ABCA12: variants seen among roughly 807,000 people sequenced by gnomAD.
The protein encoded by ABCA12 is ATP binding cassette subfamily A member 12.
In ABCA12, 156 loss-of-function variants were observed where a neutral mutation model predicts 293.5. That is an observed-to-expected ratio of 0.53 (90% CI 0.47 to 0.61). The LOEUF (loss-of-function observed/expected upper bound fraction) is 0.61, where lower values mean the gene tolerates loss of function less well. ABCA12 is among the 20% of genes least tolerant of loss of function. The pLI, the probability that ABCA12 is intolerant of heterozygous loss-of-function variation, is 0.00. For synonymous variants in ABCA12, 1,063 were observed against 1,108.0 expected (o/e 0.96, Z 0.81); for missense variants, 2,797 against 3,090.2 (o/e 0.91, Z 2.25).
rs548713632 is a variant in ABCA12, at chr2:215,039,582, C to T, written c.873-2517G>A. 2.7e-4 allele frequency among the ~76,000 whole-genome samples: 41 copies of T among 151,972 alleles called. No homozygotes were observed. The South Asian group carries it at 7.9e-3, about 29-fold the overall frequency. ...CATCCTGGCTAACACAGTGAGACAC[C>T]GTCTCTACTAAAAATACAAAAAATT... On this transcript the variant is annotated intron_variant, in intron 7 of 52. Transcript: ENST00000272895.
At chr2:215,076,748 G>T (rs1461331017) in intron 2 of ABCA12, among the ~76,000 whole-genome samples, 1 of 152,180 alleles carries the variant, frequency 6.6e-6, no homozygotes, top group Non-Finnish European at 1.5e-5. Context: ...CAAATAGATT[G>T]TGATATATTT....
intron 43 of ABCA12, 139 bp downstream of exon 43, chr2:214,955,063 T>C (rs1053375697): frequency 8.9e-7 from 1 of 1,123,758 alleles, no homozygotes; most frequent in South Asian, 1.5e-5. Flanking sequence ...CCAAAAAGAA[T>C]TTTAAAAGCT....
intron 30 of ABCA12, among the ~76,000 whole-genome samples, chr2:214,981,115 A>G (rs921393098): frequency 5.9e-5 from 9 of 152,038 alleles, no homozygotes; most frequent in Non-Finnish European, 1.3e-4. Flanking sequence ...GAAAGGAAAA[A>G]AAGAAGAAAA....
At chr2:214,999,838 A>G in intron 22 of ABCA12, 1 of 984,626 alleles carries the variant, frequency 1.0e-6, no homozygotes, top group Non-Finnish European at 1.2e-6. Flanking sequence ...CATCTCATTT[A>G]TAACTCTTGA....
chr2:215,122,074 T>C (rs1702818160), intron 1 of ABCA12, among the ~76,000 whole-genome samples: 1 of 152,214 alleles, frequency 6.6e-6, no homozygotes, highest in African/African-American at 2.4e-5. Context: ...ACTTATAGAT[T>C]TGAAATTTAA....
At chr2:215,061,358 G>C (rs2106069955) in intron 3 of ABCA12, among the ~76,000 whole-genome samples, 1 of 152,172 alleles carries the variant, frequency 6.6e-6, no homozygotes, top group Non-Finnish European at 1.5e-5. Flanking sequence ...AGTGACTGCA[G>C]TGTGATCATG....
intron 23 of ABCA12, among the ~76,000 whole-genome samples, chr2:214,994,944 C>T (rs565012784): frequency 1.2e-4 from 19 of 152,148 alleles, no homozygotes; most frequent in East Asian, 3.9e-4. Context: ...ACAGATGAAT[C>T]GAACTCATAA....
At position 215,093,064 on chromosome 2, in the gene ABCA12, C is replaced by T. The variant is rs1438822627; in HGVS notation, c.163+18533G>A. Among the ~76,000 whole-genome samples, 4 of 150,120 alleles carry T rather than the reference C, an allele frequency of 2.7e-5. No homozygotes were observed. The East Asian group carries it at 5.9e-4, about 22-fold the overall frequency. On this transcript the variant is annotated intron_variant, in intron 2 of 52. Coordinates refer to ENST00000272895, the MANE Select transcript of ABCA12 (RefSeq NM_173076.3). ...TTTTGACCACCTTCAACTTTATAGC[C>T]CCTCCTACAAATCTTCCCAACAGGA...
At chr2:215,110,004 T>C (rs1276730478) in intron 2 of ABCA12, among the ~76,000 whole-genome samples, 1 of 152,212 alleles carries the variant, frequency 6.6e-6, no homozygotes, top group Non-Finnish European at 1.5e-5. Flanking sequence ...CTACTTAAGA[T>C]ATGTAGAAAT....
At chr2:215,136,614 G>A (rs192245400) in intron 1 of ABCA12, among the ~76,000 whole-genome samples, 11 of 152,156 alleles carry the variant, frequency 7.2e-5, no homozygotes, top group South Asian at 2.1e-4. Context: ...TTGACTGTAC[G>A]TGGATTTCTT....
intron 2 of ABCA12, among the ~76,000 whole-genome samples, chr2:215,096,779 C>A (rs1702257819): frequency 6.6e-6 from 1 of 152,114 alleles, no homozygotes; most frequent in Non-Finnish European, 1.5e-5. Flanking sequence ...TTAATATGCA[C>A]AAAACTCCAT....
At chr2:215,094,022 G>A (rs540235270) in intron 2 of ABCA12, among the ~76,000 whole-genome samples, 17 of 152,212 alleles carry the variant, frequency 1.1e-4, no homozygotes, top group Non-Finnish European at 1.9e-4. Flanking sequence ...CATATCTATC[G>A]TTGAGGCTAC....
chr2:214,948,549 A>G (rs749357443), intron 47 of ABCA12, 47 bp downstream of exon 47: 1 of 1,607,094 alleles, frequency 6.2e-7, no homozygotes, highest in African/African-American at 1.3e-5. Flanking sequence ...ATGGAAGTAG[A>G]AACAATAATG....
At chr2:215,126,711 C>T (rs920832172) in intron 1 of ABCA12, among the ~76,000 whole-genome samples, 6 of 151,976 alleles carry the variant, frequency 3.9e-5, no homozygotes, top group African/African-American at 1.4e-4. Flanking sequence ...GTTAATCTTG[C>T]CAGTGGTCTA....
At chr2:214,988,898 G>T (rs1322528375) in intron 26 of ABCA12, among the ~76,000 whole-genome samples, 1 of 151,606 alleles carries the variant, frequency 6.6e-6, no homozygotes, top group Non-Finnish European at 1.5e-5. Flanking sequence ...AAAGTTAAAG[G>T]CCGGGCATGG....
rs755378988 is a variant in ABCA12, at chr2:214,959,094, GTTC to G, written c.5885-19_5885-17del. ...ATGATGATGCCTTAAAGACGAAACAGTTCTTCTATTAGTAGGTATTCAGTTAAT... is the reference window on the plus strand; with the variant it reads ...ATGATGATGCCTTAAAGACGAAACAGTTCTATTAGTAGGTATTCAGTTAAT... On this transcript the variant is annotated splice_polypyrimidine_tract_variant and intron_variant, in intron 39 of 52. Transcript: ENST00000272895. The G allele has an allele frequency of 1.2e-6, 2 of 1,610,398 alleles. No homozygotes were observed. Among genetic ancestry groups the G allele is most frequent in the Non-Finnish European group, 1.7e-6 (2 of 1,176,818 alleles).
intron 2 of ABCA12, among the ~76,000 whole-genome samples, chr2:215,076,528 T>G (rs1276809584): frequency 6.6e-6 from 1 of 152,106 alleles, no homozygotes. Context: ...GTTGAGAGGA[T>G]ATGGAGGAAT....
intron 2 of ABCA12, 70 bp from the exon 3 acceptor site, chr2:215,064,289 C>T: frequency 6.7e-7 from 1 of 1,499,492 alleles, no homozygotes; most frequent in Non-Finnish European, 9.0e-7. Context: ...AATGCAGTAA[C>T]TCCACTTTGT....
chr2:215,039,739 A>C (rs1186134740), intron 7 of ABCA12, among the ~76,000 whole-genome samples: 2 of 151,954 alleles, frequency 1.3e-5, no homozygotes, highest in Admixed American at 6.6e-5. Context: ...TGGGCAACAG[A>C]GCAAGACTCC....
Sources: gnomAD v4.1 joint callset for allele counts (sites outside exome capture counted in the v4.1 genomes callset) on GRCh38, gnomAD v4.1.1 for gene constraint, MANE v1.5 for transcripts, NCBI Gene and HGNC (gene_info 2026-07-23, HGNC 2026-07-21) for gene names.